Variants in LYSMD4 observed in about 807,000 individuals in gnomAD.
LYSMD4 encodes the protein lysM and putative peptidoglycan-binding domain-containing protein 4.
In LYSMD4, 9 loss-of-function variants were observed where a neutral mutation model predicts 6.1. The observed-to-expected ratio is 1.47, with a 90% CI of 0.88 to 2.56. LYSMD4 has a LOEUF of 2.56. Among genes scored for constraint, LYSMD4 ranks in the 30% most tolerant of loss-of-function variants. The pLI, the probability that LYSMD4 is intolerant of heterozygous loss-of-function variation, is 0.00. For missense variants in LYSMD4, 384 were observed against 373.5 expected (o/e 1.03, Z -0.23); for synonymous variants, 143 against 148.5 (o/e 0.96, Z 0.27).
chr15:99,718,033 A>G (rs2059203612), upstream of LYSMD4, among the ~76,000 whole-genome samples: 1 of 152,230 alleles, frequency 6.6e-6, no homozygotes, highest in Admixed American at 6.5e-5. Flanking sequence ...AGAAATTAAT[A>G]TTGACACAGC....
chr15:99,720,277 T>C (rs1567545043), upstream of LYSMD4, among the ~76,000 whole-genome samples: 1 of 152,244 alleles, frequency 6.6e-6, no homozygotes, highest in Non-Finnish European at 1.5e-5. Context: ...AGATTGCTGA[T>C]GCATTTGGAG....
At chr15:99,726,591 C>G (rs2059285075), downstream of LYSMD4, among the ~76,000 whole-genome samples, 4 of 152,026 alleles carry the variant, frequency 2.6e-5, no homozygotes, top group Admixed American at 2.6e-4. Flanking sequence ...ACCTTCCTCA[C>G]CTCTGCTGGG....
upstream of LYSMD4, among the ~76,000 whole-genome samples, chr15:99,719,085 T>C (rs2059218577): frequency 6.6e-6 from 1 of 152,274 alleles, no homozygotes; most frequent in South Asian, 2.1e-4. Context: ...TCAGTTCCAG[T>C]GTACACTTAT....
chr15:99,731,370 G>A (rs2059405864), intron 2 of LYSMD4: 2 of 1,613,104 alleles, frequency 1.2e-6, no homozygotes, highest in East Asian at 2.2e-5. Context: ...TAGAAATCCG[G>A]AATTAAATTC....
downstream of LYSMD4, among the ~76,000 whole-genome samples, chr15:99,723,980 G>A (rs2059257734): frequency 6.6e-6 from 1 of 150,902 alleles, no homozygotes. Flanking sequence ...TTTTCCCACA[G>A]CTCCGTTTAC....
exon 1 of LYSMD4, chr15:99,717,730 T>C (rs890069065): frequency 6.6e-6 from 1 of 152,232 alleles, no homozygotes; most frequent in Non-Finnish European, 1.5e-5. Context: ...TGACAGGGCA[T>C]CTTACTCGGC....
At chr15:99,731,158 T>G in intron 2 of LYSMD4, 1 of 1,610,196 alleles carries the variant, frequency 6.2e-7, no homozygotes, top group Non-Finnish European at 8.5e-7. Context: ...ATTCTAGAAA[T>G]ACTTTCCTAC....
intron 1 of LYSMD4, chr15:99,733,124 T>C (rs558048836): frequency 5.0e-5 from 18 of 362,804 alleles, no homozygotes; most frequent in African/African-American, 3.6e-4. Context: ...GGCCCTAACA[T>C]TCCAGAGGGC....
downstream of LYSMD4, among the ~76,000 whole-genome samples, chr15:99,724,250 C>CT (rs1490570077): frequency 7.6e-5 from 11 of 144,268 alleles, no homozygotes; most frequent in Non-Finnish European, 1.5e-4. Flanking sequence ...TGGCATAGGT[C>CT]TTTTTTAAAA....
chr15:99,729,879 C>A (rs1275277029), intron 2 of LYSMD4, 148 bp from the exon 3 acceptor site: 4 of 1,057,834 alleles, frequency 3.8e-6, no homozygotes, highest in Non-Finnish European at 5.3e-6. Context: ...CAGCTGTACA[C>A]AAAGTTAGTT....
chr15:99,729,357 C>G lies in LYSMD4; in HGVS notation c.657G>C (p.Trp219Cys), dbSNP rs964571026. 3.1e-6 allele frequency: 5 copies of G among 1,614,258 alleles called. No individual in the cohort carries two copies. In the Admixed American group the frequency reaches 8.3e-5, roughly 27 times the overall value. Residue 219 changes from tryptophan to cysteine, a missense_variant, in exon 3 of 3, where the codon TGG becomes TGC. Physicochemically the swap from Trp to Cys is radical, Grantham distance 215 (BLOSUM62 -2). Coordinates refer to ENST00000684762, the MANE Select transcript of LYSMD4 (RefSeq NM_001284417.2). ...MDGADCGIQW[W>C]NAVFIMLLIG... is the part of the protein sequence containing the mutation. ...TCAGCAGCATGATGAAAACAGCATT[C>G]CACCACTGAATGCCACAATCTGCAC...
exon 1 of LYSMD4, chr15:99,717,539 C>T (rs1165839861): frequency 2.6e-5 from 3 of 114,094 alleles, no homozygotes; most frequent in Admixed American, 1.7e-4. Context: ...GGCTTGTGTC[C>T]TCATCCCGCA....
Position 99,733,384 on chromosome 15 carries a change from T to TCGCGACC in LYSMD4, c.-55_-49dup, listed in dbSNP as rs1320151239. On this transcript the variant is annotated 5_prime_UTR_variant, in exon 1 of 3. Coordinates refer to ENST00000684762, the MANE Select transcript of LYSMD4 (RefSeq NM_001284417.2). ...TCCGCCGCGACCGGCGACCGGCGAC[T>TCGCGACC]CGCGACCCGCGACCCGCGACCCGCA... The TCGCGACC allele has an allele frequency of 3.2e-4, 126 of 395,350 alleles. No homozygotes were observed. The highest frequency in any genetic ancestry group is 8.1e-4 in the African/African-American group (39 of 48,414). The allele number at this position is 395,350 out of a possible 1,614,324, so 24.5% of individuals were successfully genotyped here.
Position 99,727,793 on chromosome 15 carries a change from G to C in LYSMD4, c.*1330C>G, listed in dbSNP as rs933547744. 6.6e-6 allele frequency: 1 copy of C among 152,222 alleles called. No individual in the cohort carries two copies. The highest frequency in any genetic ancestry group is 1.5e-5 in the Non-Finnish European group (1 of 68,048). 9.4% of individuals were successfully genotyped at this position (152,222 alleles called of 1,614,324 possible). On this transcript the variant is annotated 3_prime_UTR_variant, in exon 3 of 3. Transcript: ENST00000684762. ...TTTGATACTTTTCTCCAGGCCTCATGAGTCAAAGGCCATCACTGTCCCTCC... is the reference window on the plus strand; with the variant it reads ...TTTGATACTTTTCTCCAGGCCTCATCAGTCAAAGGCCATCACTGTCCCTCC...
chr15:99,726,923 C>G (rs78429785), downstream of LYSMD4, among the ~76,000 whole-genome samples: 1,744 of 152,318 alleles, frequency 0.011, 31 homozygotes, highest in African/African-American at 0.038. Flanking sequence ...CTGGTCACCA[C>G]TTTGTCCTGC....
At position 99,731,802 on chromosome 15, in the gene LYSMD4, C is replaced by G. The variant is rs190997542; in HGVS notation, c.198G>C (p.Ala66=). The change falls in exon 2 of 3, where the codon GCG becomes GCC. Residue 66 remains alanine, a synonymous_variant. Coordinates refer to ENST00000684762, the MANE Select transcript of LYSMD4 (RefSeq NM_001284417.2). The part of the protein sequence containing the change: ...HKSGVHQPPQ[A]GAGDVVLLQR... ...GCAGCAGCACCACGTCACCTGCTCCCGCCTGGGGAGGCTGGTGGACACCGC... is the reference window on the plus strand; with the variant it reads ...GCAGCAGCACCACGTCACCTGCTCCGGCCTGGGGAGGCTGGTGGACACCGC... 4 of 1,612,432 alleles carry G rather than the reference C, an allele frequency of 2.5e-6. No individual in the cohort carries two copies. In the East Asian group the frequency reaches 6.7e-5, roughly 27 times the overall value.
In LYSMD4 at chr15:99,731,840, C is replaced by G; in HGVS notation, c.160G>C (p.Glu54Gln). The G allele has an allele frequency of 6.2e-7, 1 of 1,613,242 alleles. No individual in the cohort carries two copies. The highest frequency in any genetic ancestry group is 1.1e-5 in the South Asian group (1 of 91,058). ...HRVVLRPRGK[E>Q]RHKSGVHQPP... is the part of the protein sequence containing the mutation. ...TGGTGGACACCGCTCTTGTGGCGCT[C>G]CTTGCCCCGGGGCCGCAAAACCACA... is the stretch of plus-strand genomic sequence containing the variant. The change falls in exon 2 of 3, where the codon GAG becomes CAG. Residue 54 changes from glutamate to glutamine, a missense_variant. Glu to Gln is a conservative substitution (Grantham distance 29). Transcript: ENST00000684762.
rs1324805790 is a variant in LYSMD4 at position 99,728,855 on chromosome 15, G to A, written c.*268C>T. 2.0e-6 allele frequency: 1 copy of A among 501,606 alleles called. No individual in the cohort carries two copies. Among genetic ancestry groups the A allele is most frequent in the Non-Finnish European group, 3.6e-6 (1 of 275,756 alleles). The allele number at this position is 501,606 out of a possible 1,614,324, so 31.1% of individuals were successfully genotyped here. A position where few individuals can be genotyped will look rare whatever the true frequency, so the allele number is the denominator to read the frequency against. ...GTCCTCACAGTGCTGCTATGAACTG[G>A]CCAGTCCACTAAATGTCACAGGGAA... On this transcript the variant is annotated 3_prime_UTR_variant, in exon 3 of 3. Coordinates refer to ENST00000684762, the MANE Select transcript of LYSMD4 (RefSeq NM_001284417.2).
At position 99,733,435 on chromosome 15, in the gene LYSMD4, T is replaced by C; in HGVS notation, c.-99A>G. The stretch of plus-strand genomic sequence containing the variant: ...GCTGCCACCGCGCCTGCGGATTGGC[T>C]ACGAACATCAGCAGGGCCCCCCTGG... On this transcript the variant is annotated 5_prime_UTR_variant, in exon 1 of 3. Coordinates refer to ENST00000684762, the MANE Select transcript of LYSMD4 (RefSeq NM_001284417.2). 1 of 395,208 alleles carries C rather than the reference T, an allele frequency of 2.5e-6. No individual in the cohort carries two copies. The highest frequency in any genetic ancestry group is 4.5e-6 in the Non-Finnish European group (1 of 223,738). 24.5% of individuals were successfully genotyped at this position (395,208 alleles called of 1,614,324 possible).
Sources: gnomAD v4.1 joint callset for allele counts (sites outside exome capture counted in the v4.1 genomes callset) on GRCh38, gnomAD v4.1.1 for gene constraint, MANE v1.5 for transcripts, NCBI Gene and HGNC (gene_info 2026-07-23, HGNC 2026-07-21) for gene names.